Variants in LAMB1 observed in about 807,000 individuals in gnomAD.
The protein encoded by LAMB1 is laminin subunit beta 1.
A neutral mutation model predicts 222.3 loss-of-function variants in LAMB1; 121 were observed. That is an observed-to-expected ratio of 0.54 (90% confidence interval 0.47 to 0.63). The LOEUF is 0.63. LAMB1 is among the 30% of genes least tolerant of loss of function. LAMB1 has a pLI of 0.00. For synonymous variants in LAMB1, 794 were observed against 807.2 expected (o/e 0.98, Z 0.28); for missense variants, 2,172 against 2,240.8 (o/e 0.97, Z 0.62).
chr7:107,936,020 A>G (rs981895186), intron 26 of LAMB1, among the ~76,000 whole-genome samples: 1 of 152,204 alleles, frequency 6.6e-6, no homozygotes, highest in African/African-American at 2.4e-5. Flanking sequence ...CAAATGACTA[A>G]TATAGTAGCC....
At chr7:107,933,974 T>C (rs950767034) in intron 27 of LAMB1, among the ~76,000 whole-genome samples, 2 of 151,992 alleles carry the variant, frequency 1.3e-5, no homozygotes, top group Admixed American at 6.5e-5. Context: ...CAGAACTTGT[T>C]TGTGATAACT....
At chr7:107,982,646 AACCC>A (rs2033995640) in intron 7 of LAMB1, among the ~76,000 whole-genome samples, 1 of 152,158 alleles carries the variant, frequency 6.6e-6, no homozygotes, top group Non-Finnish European at 1.5e-5. Flanking sequence ...AGTATTTAGA[AACCC>A]TTGAACTGAC....
chr7:107,954,044 GACAGTTAGGT>G (rs1336663819), intron 21 of LAMB1, among the ~76,000 whole-genome samples: 3 of 152,168 alleles, frequency 2.0e-5, no homozygotes, highest in Non-Finnish European at 4.4e-5. Context: ...AGCGGCTGTG[GACAGTTAGGT>G]CCTAGCACAT....
rs184168902 is a variant in LAMB1 at position 107,934,050 on chromosome 7, T to C, written c.4188+1365A>G. On this transcript the variant is annotated intron_variant, in intron 27 of 33. Transcript: ENST00000222399. ...ATGCTGAAGGGAAAGATGGAGAGAATTGGCATTTCATGCTTCATAACTTTG... is the reference window on the plus strand; with the variant it reads ...ATGCTGAAGGGAAAGATGGAGAGAACTGGCATTTCATGCTTCATAACTTTG... Among the ~76,000 whole-genome samples, 693 of 152,328 alleles carry C rather than the reference T, an allele frequency of 4.5e-3. 6 individuals carry two copies. Among genetic ancestry groups the C allele is most frequent in the African/African-American group, 0.016 (649 of 41,572 alleles).
In LAMB1 at chr7:107,940,313, T is replaced by G. The variant is rs1562979275; in HGVS notation, c.3437A>C (p.Gln1146Pro). Residue 1146 changes from glutamine to proline, a missense_variant, in exon 25 of 34, where the codon CAG (glutamine) becomes CCG (proline). Coordinates refer to ENST00000222399, the MANE Select transcript of LAMB1 (RefSeq NM_002291.3). ...PRGIETPQCD[Q>P]STGQCVCVEG... ...AACGCAGACACACTGGCCCGTGGAC[T>G]GGTCACACTGTGGCGTCTCAATGCC... 2 of 1,614,056 alleles carry G rather than the reference T, an allele frequency of 1.2e-6. No individual in the cohort carries two copies. Among genetic ancestry groups the G allele is most frequent in the Non-Finnish European group, 1.7e-6 (2 of 1,179,992 alleles).
chr7:107,955,210 A>G (rs1055452808), intron 21 of LAMB1, among the ~76,000 whole-genome samples: 28 of 152,204 alleles, frequency 1.8e-4, no homozygotes, highest in Non-Finnish European at 3.5e-4. Flanking sequence ...AATAACAGAA[A>G]AGTGTTCCAC....
chr7:108,001,229 AATC>A (rs1282036603), intron 3 of LAMB1, among the ~76,000 whole-genome samples: 4 of 152,258 alleles, frequency 2.6e-5, no homozygotes, highest in African/African-American at 9.6e-5. Context: ...AAAGAGGATA[AATC>A]ACCTTTAATG....
chr7:107,948,775 A>C (rs1330365101), intron 24 of LAMB1, among the ~76,000 whole-genome samples: 1 of 152,144 alleles, frequency 6.6e-6, no homozygotes, highest in East Asian at 1.9e-4. Flanking sequence ...ACTCTTGGCT[A>C]TGGGACCTCT....
At position 107,961,634 on chromosome 7, in the gene LAMB1, G is replaced by A. The variant is rs781388848; in HGVS notation, c.1900C>T (p.Pro634Ser). 1.2e-6 allele frequency: 2 copies of A among 1,614,010 alleles called. No homozygotes were observed. Among genetic ancestry groups the A allele is most frequent in the African/African-American group, 1.3e-5 (1 of 74,922 alleles). The change falls in exon 16 of 34, where the codon CCT becomes TCT. Residue 634 changes from proline (P) to serine (S), a missense_variant. Transcript: ENST00000222399. ...WEKAVITVQRPGRIPTSSRCG... is the reference protein window; with the variant it reads ...WEKAVITVQRSGRIPTSSRCG... ...CGGCTGCTGGTTGGAATCCTTCCAG[G>A]TCGCTGCACTGTGATGACAGCTTTT...
At chr7:107,964,463 C>G in intron 14 of LAMB1, 89 bp downstream of exon 14, 1 of 1,483,084 alleles carries the variant, frequency 6.7e-7, no homozygotes, top group Non-Finnish European at 9.3e-7. Context: ...TATAAAAATG[C>G]TTCTGAAATG....
In LAMB1 at chr7:108,001,645, A is replaced by G. The variant is rs771956871; in HGVS notation, c.126T>C (p.Leu42=). The G allele has an allele frequency of 6.2e-7, 1 of 1,613,192 alleles. No homozygotes were observed. Among genetic ancestry groups the G allele is most frequent in the South Asian group, 1.1e-5 (1 of 90,960 alleles). ...AAAGCTTCTGTGCTCGGCCGATGAG[A>G]AGGTCGCCCGTGGCGGGATAGCAGC... ...EGSCYPATGD[L]LIGRAQKLSV... Residue 42 remains leucine (L), a synonymous_variant, in exon 3 of 34, where the codon CTT becomes CTC. Coordinates refer to ENST00000222399, the MANE Select transcript of LAMB1 (RefSeq NM_002291.3).
chr7:107,970,624 T>C lies in LAMB1; in HGVS notation c.1562+2368A>G, dbSNP rs537258443. Reference sequence around the variant, plus strand: ...TGTTATTAAACATTTACAAGTAGCATTTACCTAGCAACCAATGCCAATTCT... The same window carrying C: ...TGTTATTAAACATTTACAAGTAGCACTTACCTAGCAACCAATGCCAATTCT... On this transcript the variant is annotated intron_variant, in intron 13 of 33. Coordinates refer to ENST00000222399, the MANE Select transcript of LAMB1 (RefSeq NM_002291.3). Among the ~76,000 whole-genome samples the C allele has an allele frequency of 1.4e-4, 22 of 152,230 alleles. No individual in the cohort carries two copies. The Middle Eastern group carries it at 0.01, about 71-fold the overall frequency.
intron 20 of LAMB1, among the ~76,000 whole-genome samples, chr7:107,956,610 C>T (rs1343986327): frequency 6.6e-6 from 1 of 152,224 alleles, no homozygotes; most frequent in East Asian, 1.9e-4. Context: ...CAGAGTCTGT[C>T]CTCCTAGGCG....
At chr7:107,963,166 G>T in intron 14 of LAMB1, 103 bp from the exon 15 acceptor site, 1 of 1,065,114 alleles carries the variant, frequency 9.4e-7, no homozygotes. Flanking sequence ...AAAAAGGGTG[G>T]CTACCTTATG....
chr7:108,002,402 C>T, intron 2 of LAMB1: 1 of 1,314,248 alleles, frequency 7.6e-7, no homozygotes, highest in Non-Finnish European at 1.0e-6. Context: ...CATCCGGAGA[C>T]AAACAGAGAT....
intron 5 of LAMB1, among the ~76,000 whole-genome samples, chr7:107,990,028 T>G (rs2237705): frequency 0.22 from 32,752 of 147,780 alleles, 4,851 homozygotes; most frequent in African/African-American, 0.44. Flanking sequence ...GTTTTTTGTG[T>G]TTTTTTTTGT....
At position 107,998,241 on chromosome 7, in the gene LAMB1, G is replaced by A. The variant is rs573867939; in HGVS notation, c.349+116C>T. 3.3e-5 allele frequency: 32 copies of A among 968,238 alleles called. 1 individual carries two copies. The highest frequency in any genetic ancestry group is 3.3e-4 in the African/African-American group (20 of 61,248). 60.0% of individuals were successfully genotyped at this position (968,238 alleles called of 1,614,324 possible). On this transcript the variant is annotated intron_variant, in intron 4 of 33. Coordinates refer to ENST00000222399, the MANE Select transcript of LAMB1 (RefSeq NM_002291.3). ...TGCTCCAGGCAGTCAATCTGTCAGA[G>A]GCCATAATTACAGGACAGAGAAGTG...
chr7:108,001,046 G>A (rs916414876), intron 3 of LAMB1, among the ~76,000 whole-genome samples: 3 of 152,116 alleles, frequency 2.0e-5, no homozygotes, highest in African/African-American at 4.8e-5. Flanking sequence ...AGGGCATTTC[G>A]TAAAAGCAAG....
chr7:107,964,922 CTAACA>C (rs2033599003), intron 13 of LAMB1, among the ~76,000 whole-genome samples: 1 of 152,246 alleles, frequency 6.6e-6, no homozygotes, highest in African/African-American at 2.4e-5. Flanking sequence ...CCTCTCTTGA[CTAACA>C]CGCCGTCCGC....
Sources: gnomAD v4.1 joint callset for allele counts (sites outside exome capture counted in the v4.1 genomes callset) on GRCh38, gnomAD v4.1.1 for gene constraint, MANE v1.5 for transcripts, NCBI Gene and HGNC (gene_info 2026-07-23, HGNC 2026-07-21) for gene names.